SYNPR: variants seen among roughly 807,000 people sequenced by gnomAD.
The protein encoded by SYNPR is synaptoporin.
SYNPR carries 23 observed loss-of-function variants against 32.9 expected under a neutral mutation model. The observed-to-expected ratio is 0.70, with a 90% confidence interval of 0.50 to 0.99. The LOEUF (loss-of-function observed/expected upper bound fraction) is 0.99, where lower values mean the gene tolerates loss of function less well. Ranked by LOEUF, SYNPR falls within the 50% of genes least tolerant of loss-of-function variation. SYNPR has a pLI of 0.00. For synonymous variants in SYNPR, 146 were observed against 135.9 expected (o/e 1.07, Z -0.52); for missense variants, 318 against 349.3 (o/e 0.91, Z 0.71).
At chr3:63,342,092 G>C (rs1247505270) in intron 2 of SYNPR, among the ~76,000 whole-genome samples, 1 of 152,146 alleles carries the variant, frequency 6.6e-6, no homozygotes, top group Non-Finnish European at 1.5e-5. Context: ...ATGTTCAGTT[G>C]TTTTAGCACC....
intron 2 of SYNPR, among the ~76,000 whole-genome samples, chr3:63,476,189 G>GAGGGAAGGA (rs1700909001): frequency 2.2e-5 from 1 of 45,916 alleles, no homozygotes; most frequent in Non-Finnish European, 4.7e-5. Context: ...GAAGGGAAGG[G>GAGGGAAGGA]AGGGAAGCAA....
At chr3:63,304,225 A>G (rs2086885046) in intron 2 of SYNPR, among the ~76,000 whole-genome samples, 1 of 152,010 alleles carries the variant, frequency 6.6e-6, no homozygotes, top group Non-Finnish European at 1.5e-5. Context: ...GGGTTCTCTT[A>G]TAGGGAAAGC....
intron 1 of SYNPR, among the ~76,000 whole-genome samples, chr3:63,234,229 T>C (rs1317503531): frequency 6.6e-6 from 1 of 152,120 alleles, no homozygotes; most frequent in Non-Finnish European, 1.5e-5. Flanking sequence ...CTCCTCCTTA[T>C]AAAAACATCA....
At position 63,352,131 on chromosome 3, in the gene SYNPR, A is replaced by G. The variant is rs145339764; in HGVS notation, c.84+73389A>G. 9.2e-4 allele frequency among the ~76,000 whole-genome samples: 140 copies of G among 152,242 alleles called. No homozygotes were observed. The East Asian group carries it at 0.023, about 25-fold the overall frequency. On this transcript the variant is annotated intron_variant, in intron 2 of 5. Transcript: ENST00000478300. ...GTGGAAACAGAGAGAATGCCAGTAA[A>G]GCTGGGGTGTGGTGTGCACTGAGGG... is the stretch of plus-strand genomic sequence containing the variant.
At chr3:63,503,855 GA>G (rs2106741165) in intron 3 of SYNPR, among the ~76,000 whole-genome samples, 1 of 151,826 alleles carries the variant, frequency 6.6e-6, no homozygotes, top group East Asian at 1.9e-4. Flanking sequence ...TGATGAGTCT[GA>G]AAAAAATGAA....
At position 63,511,544 on chromosome 3, in the gene SYNPR, G is replaced by C. The variant is rs541844832; in HGVS notation, c.209+30588G>C. Among the ~76,000 whole-genome samples, 7 of 152,262 alleles carry C rather than the reference G, an allele frequency of 4.6e-5. No individual in the cohort carries two copies. The South Asian group carries it at 1.5e-3, about 32-fold the overall frequency. On this transcript the variant is annotated intron_variant, in intron 3 of 5. Coordinates refer to ENST00000478300, the MANE Select transcript of SYNPR (RefSeq NM_001130003.2). ...TTATAATCCAAGAAGGCAAGAAAGAGAACTAGGACGAGCTTGTGCTTTTAA... is the reference window on the plus strand; with the variant it reads ...TTATAATCCAAGAAGGCAAGAAAGACAACTAGGACGAGCTTGTGCTTTTAA...
At position 63,523,800 on chromosome 3, in the gene SYNPR, A is replaced by G. The variant is rs568950033; in HGVS notation, c.210-32743A>G. Among the ~76,000 whole-genome samples, 51 of 152,328 alleles carry G rather than the reference A, an allele frequency of 3.3e-4. 1 individual carries two copies. The South Asian group carries it at 5.8e-3, about 17-fold the overall frequency. On this transcript the variant is annotated intron_variant, in intron 3 of 5. Transcript: ENST00000478300. Reference sequence around the variant, plus strand: ...TATCACCCCTGCTCACTATGATTTCAGGTCAGAGTCTGTAATGTACTATTA... The same window carrying G: ...TATCACCCCTGCTCACTATGATTTCGGGTCAGAGTCTGTAATGTACTATTA...
At chr3:63,362,056 G>A (rs909875305) in intron 2 of SYNPR, among the ~76,000 whole-genome samples, 1 of 152,154 alleles carries the variant, frequency 6.6e-6, no homozygotes, top group East Asian at 1.9e-4. Flanking sequence ...AATAAAATGT[G>A]AGAGTGATAC....
chr3:63,438,767 T>C (rs562198083), intron 2 of SYNPR, among the ~76,000 whole-genome samples: 7 of 152,208 alleles, frequency 4.6e-5, no homozygotes, highest in Non-Finnish European at 8.8e-5. Flanking sequence ...ATTTCAAGGT[T>C]GTTCCATAAG....
chr3:63,600,802 T>A (rs1700029426), intron 4 of SYNPR, among the ~76,000 whole-genome samples: 1 of 152,190 alleles, frequency 6.6e-6, no homozygotes, highest in Non-Finnish European at 1.5e-5. Context: ...AATGCAGAAC[T>A]CTGAGTCCAT....
chr3:63,209,978 A>G, the SYNPR span, among the ~76,000 whole-genome samples: 1 of 152,150 alleles, frequency 6.6e-6, no homozygotes, highest in Non-Finnish European at 1.5e-5. Context: ...GTATTTTGTA[A>G]TTAAATGAGG....
At chr3:63,566,218 T>C (rs2106840694) in intron 4 of SYNPR, among the ~76,000 whole-genome samples, 1 of 152,294 alleles carries the variant, frequency 6.6e-6, no homozygotes, top group South Asian at 2.1e-4. Context: ...CTTTTACGGC[T>C]ACCACAAGTA....
At chr3:63,273,949 G>C (rs978926583), upstream of SYNPR, among the ~76,000 whole-genome samples, 1 of 152,068 alleles carries the variant, frequency 6.6e-6, no homozygotes, top group Non-Finnish European at 1.5e-5. Context: ...ACAATCTCCT[G>C]TCCTGTGTAC....
intron 2 of SYNPR, among the ~76,000 whole-genome samples, chr3:63,349,179 T>C (rs1374404003): frequency 1.3e-5 from 2 of 152,106 alleles, no homozygotes; most frequent in Non-Finnish European, 2.9e-5. Context: ...CTTGGCTCAC[T>C]GCAACCTCCA....
intron 4 of SYNPR, among the ~76,000 whole-genome samples, chr3:63,568,414 A>G (rs1189049725): frequency 6.6e-6 from 1 of 152,180 alleles, no homozygotes; most frequent in African/African-American, 2.4e-5. Context: ...GCTGTGCACA[A>G]GACAGGTGGG....
chr3:63,377,700 A>G (rs1380752394), intron 2 of SYNPR, among the ~76,000 whole-genome samples: 1 of 152,114 alleles, frequency 6.6e-6, no homozygotes, highest in Non-Finnish European at 1.5e-5. Context: ...AAACAAAAAC[A>G]TTAATTACAT....
chr3:63,292,910 G>T (rs944835522), intron 2 of SYNPR, among the ~76,000 whole-genome samples: 1 of 152,214 alleles, frequency 6.6e-6, no homozygotes, highest in African/African-American at 2.4e-5. Flanking sequence ...GGCAAGGAAA[G>T]AATGATTAGA....
upstream of SYNPR, among the ~76,000 whole-genome samples, chr3:63,226,005 G>C (rs2086125480): frequency 6.6e-6 from 1 of 151,936 alleles, no homozygotes; most frequent in South Asian, 2.1e-4. Flanking sequence ...GATCACTTCT[G>C]TAAGGAAAAA....
intron 2 of SYNPR, among the ~76,000 whole-genome samples, chr3:63,441,950 C>G (rs1027732494): frequency 2.0e-5 from 3 of 152,162 alleles, no homozygotes; most frequent in Non-Finnish European, 4.4e-5. Context: ...AGCCATTTTA[C>G]AAAGGGGAAA....
Sources: allele counts gnomAD v4.1 joint callset (sites outside exome capture counted in the v4.1 genomes callset), GRCh38; gene constraint gnomAD v4.1.1; transcripts MANE v1.5; gene names NCBI Gene and HGNC (gene_info 2026-07-23, HGNC 2026-07-21).